The following MYT1L variants were observed in gnomAD, a reference collection of about 807,000 sequenced individuals.
MYT1L encodes the protein myelin transcription factor 1 like.
In MYT1L, 12 loss-of-function variants were observed where a neutral mutation model predicts 126.7. The ratio of observed to expected loss-of-function variants is 0.09; its 90% CI spans 0.06 to 0.15. MYT1L has a LOEUF of 0.15. Ranked by LOEUF, MYT1L falls within the 10% of genes least tolerant of loss-of-function variation. The pLI is 1.00. For missense variants in MYT1L, 979 were observed against 1,585.2 expected, an observed-to-expected ratio of 0.62 and a Z score of 6.49; for synonymous variants, 541 against 604.2, an observed-to-expected ratio of 0.90 and a Z score of 1.53.
chr2:1,789,352 CTG>C lies in MYT1L; in HGVS notation c.*2513_*2514del, dbSNP rs2031625342. On this transcript the variant is annotated 3_prime_UTR_variant, in exon 25 of 25. Transcript: ENST00000647738. ...CACAATAAATAGTTTATACAAAATT[CTG>C]TCTTAATAAATGATTACTTAAATTA... The C allele has an allele frequency of 6.6e-6, 1 of 152,140 alleles. No homozygotes were observed. 9.4% of individuals were successfully genotyped at this position (152,140 alleles called of 1,614,324 possible). A position where few individuals can be genotyped will look rare whatever the true frequency, so the allele number is the denominator to read the frequency against.
chr2:2,180,877 C>T (rs895645471), intron 2 of MYT1L, among the ~76,000 whole-genome samples: 13 of 136,376 alleles, frequency 9.5e-5, no homozygotes, highest in Admixed American at 3.7e-4. Context: ...CACCTGTATC[C>T]GTACCTGTGT....
chr2:1,875,347 AAG>A (rs1188399844), intron 18 of MYT1L, among the ~76,000 whole-genome samples: 1 of 152,168 alleles, frequency 6.6e-6, no homozygotes, highest in Non-Finnish European at 1.5e-5. Flanking sequence ...AGTCCATTTC[AAG>A]AGAGTGTGCC....
intron 2 of MYT1L, among the ~76,000 whole-genome samples, chr2:2,186,011 T>C (rs1364142068): frequency 9.0e-6 from 1 of 111,592 alleles, no homozygotes; most frequent in Non-Finnish European, 1.7e-5. Context: ...TTCCGGGCCT[T>C]CCCGAGTCCC....
intron 4 of MYT1L, among the ~76,000 whole-genome samples, chr2:2,019,937 T>C (rs2064861046): frequency 6.6e-6 from 1 of 152,158 alleles, no homozygotes; most frequent in African/African-American, 2.4e-5. Flanking sequence ...CTCTGCCTCC[T>C]GGGCTCAAGG....
chr2:2,269,020 G>A (rs565829757), intron 2 of MYT1L, among the ~76,000 whole-genome samples: 12 of 152,194 alleles, frequency 7.9e-5, no homozygotes, highest in African/African-American at 2.9e-4. Flanking sequence ...GGGGCGATGT[G>A]TAGATTTGTA....
chr2:2,317,490 T>C (rs992376774), intron 1 of MYT1L, among the ~76,000 whole-genome samples: 6 of 152,040 alleles, frequency 3.9e-5, no homozygotes, highest in African/African-American at 7.2e-5. Flanking sequence ...CCGAATTCTC[T>C]AGAGAGCTAC....
intron 2 of MYT1L, among the ~76,000 whole-genome samples, chr2:2,241,697 A>G (rs553946771): frequency 6.6e-6 from 1 of 152,294 alleles, no homozygotes; most frequent in South Asian, 2.1e-4. Context: ...CAGTAGCTGA[A>G]AGGTGGAGGC....
chr2:2,215,765 A>T (rs1473994714), intron 2 of MYT1L, among the ~76,000 whole-genome samples: 2 of 152,170 alleles, frequency 1.3e-5, no homozygotes, highest in African/African-American at 4.8e-5. Flanking sequence ...TTACCAAGTG[A>T]TATAGTTTGG....
intron 3 of MYT1L, among the ~76,000 whole-genome samples, chr2:2,105,384 A>G (rs970439329): frequency 6.6e-6 from 1 of 152,208 alleles, no homozygotes; most frequent in Non-Finnish European, 1.5e-5. Flanking sequence ...GGTATAATAC[A>G]TAAGCCCCAG....
chr2:1,863,735 CA>C (rs960160691), intron 18 of MYT1L, among the ~76,000 whole-genome samples: 15 of 131,030 alleles, frequency 1.1e-4, no homozygotes, highest in East Asian at 2.5e-4. Context: ...ACTTGAGAAA[CA>C]AAAAAGGGGG....
chr2:2,140,906 G>C (rs1425056925), intron 3 of MYT1L, among the ~76,000 whole-genome samples: 1 of 152,026 alleles, frequency 6.6e-6, no homozygotes, highest in Non-Finnish European at 1.5e-5. Flanking sequence ...TTGATTGTTC[G>C]GAATTAGGCA....
chr2:1,911,987 C>G (rs751201122), intron 12 of MYT1L, 33 bp downstream of exon 12: 3 of 1,511,864 alleles, frequency 2.0e-6, no homozygotes, highest in Non-Finnish European at 1.8e-6. Context: ...AGCCGGTGCT[C>G]CCTCCCACAC....
At chr2:2,108,030 T>C (rs1265202477) in intron 3 of MYT1L, among the ~76,000 whole-genome samples, 1 of 152,170 alleles carries the variant, frequency 6.6e-6, no homozygotes, top group East Asian at 1.9e-4. Flanking sequence ...CCTCACTACC[T>C]GAGCAATGAA....
chr2:2,120,390 A>C (rs543167689), intron 3 of MYT1L, among the ~76,000 whole-genome samples: 1 of 152,148 alleles, frequency 6.6e-6, no homozygotes, highest in African/African-American at 2.4e-5. Context: ...TGATGACTAT[A>C]ACTTAACCTG....
In MYT1L at chr2:2,280,107, A is replaced by G. The variant is rs183876498; in HGVS notation, c.-421+4297T>C. 2.7e-3 allele frequency among the ~76,000 whole-genome samples: 405 copies of G among 152,372 alleles called. 3 individuals carry two copies. Among genetic ancestry groups the G allele is most frequent in the African/African-American group, 9.3e-3 (388 of 41,598 alleles). The stretch of plus-strand genomic sequence containing the variant: ...AAACATTAAAGTAAAAATTAAGAAA[A>G]TTTGTATGAGCAAGAAAATTCATTT... On this transcript the variant is annotated intron_variant, in intron 2 of 24. Coordinates refer to ENST00000647738, the MANE Select transcript of MYT1L (RefSeq NM_001303052.2).
chr2:1,932,024 C>A (rs1373348907), intron 9 of MYT1L, among the ~76,000 whole-genome samples: 2 of 152,144 alleles, frequency 1.3e-5, no homozygotes, highest in Non-Finnish European at 2.9e-5. Flanking sequence ...TGCCCAAAAG[C>A]CTTCTTGACG....
At chr2:2,114,815 C>T (rs73911369) in intron 3 of MYT1L, among the ~76,000 whole-genome samples, 3,038 of 152,282 alleles carry the variant, frequency 0.02, 92 homozygotes, top group African/African-American at 0.066. Flanking sequence ...AGCTCAACTG[C>T]TGCTTCAGTC....
chr2:2,140,634 C>T (rs574527684), intron 3 of MYT1L, among the ~76,000 whole-genome samples: 3 of 152,160 alleles, frequency 2.0e-5, no homozygotes, highest in Non-Finnish European at 2.9e-5. Flanking sequence ...CGGGGTTTCA[C>T]CATGTTAGCC....
chr2:1,861,838 C>T (rs77697751), intron 18 of MYT1L, among the ~76,000 whole-genome samples: 150 of 85,240 alleles, frequency 1.8e-3, no homozygotes, highest in East Asian at 3.4e-3. Flanking sequence ...ATCCTGGATC[C>T]GCCTGCAGCC....
Sources: gnomAD v4.1 joint callset for allele counts (sites outside exome capture counted in the v4.1 genomes callset) on GRCh38, gnomAD v4.1.1 for gene constraint, MANE v1.5 for transcripts, NCBI Gene and HGNC (gene_info 2026-07-23, HGNC 2026-07-21) for gene names.